The following RPS6KC1 variants were observed in gnomAD, a reference collection of about 807,000 sequenced individuals.
RPS6KC1 encodes inactive ribosomal protein S6 kinase delta-1.
RPS6KC1 carries 54 observed loss-of-function variants against 103.8 expected under a neutral mutation model. The observed-to-expected ratio is 0.52, with a 90% confidence interval of 0.42 to 0.65. The LOEUF is 0.65. RPS6KC1 is among the 30% of genes least tolerant of loss of function. The pLI, the probability that RPS6KC1 is intolerant of heterozygous loss-of-function variation, is 0.00. For synonymous variants in RPS6KC1, 439 were observed against 438.7 expected, an observed-to-expected ratio of 1.00 and a Z score of -0.01; for missense variants, 1,151 against 1,253.8, an observed-to-expected ratio of 0.92 and a Z score of 1.24.
At chr1:213,559,012 T>G in the RPS6KC1 span, among the ~76,000 whole-genome samples, 1 of 152,220 alleles carries the variant, frequency 6.6e-6, no homozygotes, top group Admixed American at 6.5e-5. Flanking sequence ...TTAGTCTAGT[T>G]TTTTCTTTTA....
chr1:213,643,094 T>C, the RPS6KC1 span, among the ~76,000 whole-genome samples: 1 of 151,948 alleles, frequency 6.6e-6, no homozygotes, highest in Non-Finnish European at 1.5e-5. Context: ...ATTTAATAAC[T>C]AATGGGTCAA....
At chr1:213,182,897 A>G (rs929816024) in intron 8 of RPS6KC1, among the ~76,000 whole-genome samples, 2 of 149,004 alleles carry the variant, frequency 1.3e-5, no homozygotes, top group African/African-American at 4.9e-5. Flanking sequence ...TATATGACGT[A>G]TATATCATAT....
chr1:213,218,479 C>G, intron 8 of RPS6KC1, among the ~76,000 whole-genome samples: 1 of 152,226 alleles, frequency 6.6e-6, no homozygotes. Flanking sequence ...CCATCCTCAT[C>G]AAGCTACCAA....
the RPS6KC1 span, among the ~76,000 whole-genome samples, chr1:213,344,847 T>C: frequency 5.3e-3 from 800 of 152,350 alleles, 9 homozygotes; most frequent in African/African-American, 0.018. Context: ...GCTTGTTTTT[T>C]ATACCCCAAC....
chr1:213,708,503 T>G, the RPS6KC1 span, among the ~76,000 whole-genome samples: 8 of 151,442 alleles, frequency 5.3e-5, no homozygotes, highest in African/African-American at 1.9e-4. Flanking sequence ...CAAATGGAGA[T>G]AATTTGACTT....
At chr1:213,293,454 C>T in the RPS6KC1 span, among the ~76,000 whole-genome samples, 1 of 152,124 alleles carries the variant, frequency 6.6e-6, no homozygotes, top group Non-Finnish European at 1.5e-5. Context: ...ATTAATTTGG[C>T]ATTTTTGAGA....
the RPS6KC1 span, among the ~76,000 whole-genome samples, chr1:213,628,483 T>C: frequency 2.0e-5 from 3 of 152,250 alleles, no homozygotes; most frequent in Admixed American, 6.5e-5. Context: ...TTTTTCTTTC[T>C]TTTTAAATTA....
chr1:213,133,016 C>T (rs1463350992), intron 6 of RPS6KC1, among the ~76,000 whole-genome samples: 1 of 152,102 alleles, frequency 6.6e-6, no homozygotes, highest in Non-Finnish European at 1.5e-5. Context: ...CTCTCTTTGC[C>T]CATCCGGCAG....
chr1:213,306,149 A>G, the RPS6KC1 span, among the ~76,000 whole-genome samples: 16 of 152,328 alleles, frequency 1.1e-4, no homozygotes, highest in Middle Eastern at 3.4e-3. Flanking sequence ...TGAGATTACC[A>G]TAGCAGGTGA....
chr1:213,445,422 A>T, the RPS6KC1 span, among the ~76,000 whole-genome samples: 2 of 152,196 alleles, frequency 1.3e-5, no homozygotes, highest in Non-Finnish European at 1.5e-5. Flanking sequence ...CCCAAAGCTG[A>T]TCATTCCAAA....
chr1:213,525,120 G>A, the RPS6KC1 span, among the ~76,000 whole-genome samples: 1 of 152,138 alleles, frequency 6.6e-6, no homozygotes, highest in African/African-American at 2.4e-5. Flanking sequence ...CTGCTATGAG[G>A]GCAAAGTGGA....
the RPS6KC1 span, among the ~76,000 whole-genome samples, chr1:213,769,642 A>G: frequency 6.6e-6 from 1 of 152,124 alleles, no homozygotes; most frequent in African/African-American, 2.4e-5. Context: ...GGAATTCCAT[A>G]TAGTGTCAGC....
chr1:213,258,058 T>G (rs2094693984), intron 12 of RPS6KC1, among the ~76,000 whole-genome samples: 1 of 152,160 alleles, frequency 6.6e-6, no homozygotes, highest in African/African-American at 2.4e-5. Flanking sequence ...CTCAGCTCAC[T>G]GCAACCTCTG....
At chr1:213,728,586 T>C in the RPS6KC1 span, among the ~76,000 whole-genome samples, 1 of 152,238 alleles carries the variant, frequency 6.6e-6, no homozygotes, top group Admixed American at 6.5e-5. Flanking sequence ...CACTGCCCGG[T>C]ACTCTAAGAG....
At chr1:213,354,509 T>C in the RPS6KC1 span, among the ~76,000 whole-genome samples, 1 of 152,230 alleles carries the variant, frequency 6.6e-6, no homozygotes, top group Non-Finnish European at 1.5e-5. Flanking sequence ...CCATTTTCCA[T>C]TTCTTATAAC....
At chr1:213,528,705 C>T in the RPS6KC1 span, among the ~76,000 whole-genome samples, 19 of 152,188 alleles carry the variant, frequency 1.2e-4, no homozygotes, top group Non-Finnish European at 2.2e-4. Flanking sequence ...CATCTCAGAT[C>T]CTGCCAGCCC....
chr1:213,367,921 C>A, the RPS6KC1 span, among the ~76,000 whole-genome samples: 1 of 152,244 alleles, frequency 6.6e-6, no homozygotes, highest in Non-Finnish European at 1.5e-5. Flanking sequence ...GAAACCTCTT[C>A]AGTTTCTTTT....
At chr1:213,380,119 A>G in the RPS6KC1 span, among the ~76,000 whole-genome samples, 2 of 152,224 alleles carry the variant, frequency 1.3e-5, no homozygotes, top group Non-Finnish European at 2.9e-5. Context: ...TGTGGTATAT[A>G]TACACTATGA....
chr1:213,615,632 C>A, the RPS6KC1 span, among the ~76,000 whole-genome samples: 5 of 152,234 alleles, frequency 3.3e-5, no homozygotes, highest in Non-Finnish European at 7.3e-5. Flanking sequence ...CCCCAGGCAG[C>A]CCTCCTCCCT....
Sources: gnomAD v4.1 joint callset for allele counts (sites outside exome capture counted in the v4.1 genomes callset) on GRCh38, gnomAD v4.1.1 for gene constraint, MANE v1.5 for transcripts, NCBI Gene and HGNC (gene_info 2026-07-23, HGNC 2026-07-21) for gene names.